Variants in INO80D observed in about 807,000 individuals in gnomAD.
The protein encoded by INO80D is INO80 complex subunit D.
In INO80D, 21 loss-of-function variants were observed where a neutral mutation model predicts 87.6. The observed-to-expected ratio is 0.24, with a 90% confidence interval of 0.17 to 0.35. The LOEUF (loss-of-function observed/expected upper bound fraction) is 0.35. Among genes scored for constraint, INO80D ranks in the 10% least tolerant of loss-of-function variants. The pLI, the probability that INO80D is intolerant of heterozygous loss-of-function variation, is 1.00. For synonymous variants in INO80D, 440 were observed against 491.0 expected (o/e 0.90, Z 1.37); for missense variants, 982 against 1,280.7 (o/e 0.77, Z 3.56).
chr2:206,043,651 C>A (rs188935545), intron 5 of INO80D, among the ~76,000 whole-genome samples: 2 of 151,926 alleles, frequency 1.3e-5, no homozygotes, highest in Admixed American at 1.3e-4. Flanking sequence ...CCAGGCCCAG[C>A]TAATTTTTTC....
intron 6 of INO80D, among the ~76,000 whole-genome samples, chr2:206,022,055 A>G (rs540220270): frequency 3.3e-5 from 5 of 152,202 alleles, no homozygotes; most frequent in African/African-American, 1.2e-4. Context: ...CCTTGTTTCA[A>G]TAACCCCATG....
chr2:206,067,656 G>A (rs1380692191), intron 1 of INO80D, among the ~76,000 whole-genome samples: 2 of 152,130 alleles, frequency 1.3e-5, no homozygotes, highest in Non-Finnish European at 2.9e-5. Flanking sequence ...TGCCCTGGAT[G>A]TTTGGGACAG....
intron 8 of INO80D, among the ~76,000 whole-genome samples, chr2:206,012,073 G>A (rs1167630179): frequency 2.0e-5 from 3 of 152,220 alleles, no homozygotes; most frequent in African/African-American, 4.8e-5. Context: ...GCAGTGGCAG[G>A]AGGATGTGAT....
chr2:206,046,332 T>C (rs1689191326), intron 5 of INO80D, among the ~76,000 whole-genome samples, 172 bp downstream of exon 5: 1 of 151,570 alleles, frequency 6.6e-6, no homozygotes, highest in African/African-American at 2.4e-5. Flanking sequence ...AGATCAGGAG[T>C]TCAAAACCAG....
intron 4 of INO80D, among the ~76,000 whole-genome samples, chr2:206,053,731 CCT>C (rs1475972876): frequency 4.6e-5 from 7 of 152,080 alleles, no homozygotes; most frequent in South Asian, 2.1e-4. Context: ...ATTGATATCC[CCT>C]GTTTATTTAC....
At chr2:206,011,092 A>C (rs1353990525) in intron 8 of INO80D, among the ~76,000 whole-genome samples, 4 of 152,020 alleles carry the variant, frequency 2.6e-5, no homozygotes, top group African/African-American at 9.7e-5. Context: ...AAAAAAAAAA[A>C]AAAAGGCTAC....
chr2:206,054,784 G>C (rs145791394), intron 4 of INO80D, among the ~76,000 whole-genome samples: 2,704 of 152,242 alleles, frequency 0.018, 87 homozygotes, highest in African/African-American at 0.061. Context: ...AAAGTGCTGG[G>C]ATTACAGGCG....
At chr2:206,029,188 T>A (rs1042578207) in intron 5 of INO80D, among the ~76,000 whole-genome samples, 3 of 152,148 alleles carry the variant, frequency 2.0e-5, no homozygotes, top group African/African-American at 7.2e-5. Flanking sequence ...GAGCCCGGCC[T>A]TCTACCATGT....
chr2:206,006,619 G>A (rs1688032096), intron 10 of INO80D, among the ~76,000 whole-genome samples: 2 of 149,156 alleles, frequency 1.3e-5, no homozygotes, highest in Admixed American at 1.3e-4. Flanking sequence ...GGAGGCAGAG[G>A]TTGCAATGAG....
At chr2:206,022,019 A>C (rs1688477857) in intron 6 of INO80D, among the ~76,000 whole-genome samples, 1 of 152,172 alleles carries the variant, frequency 6.6e-6, no homozygotes, top group Non-Finnish European at 1.5e-5. Context: ...TTACAAAATA[A>C]CTATTGGTTT....
chr2:206,022,076 G>A (rs1186878641), intron 6 of INO80D, among the ~76,000 whole-genome samples: 2 of 151,706 alleles, frequency 1.3e-5, no homozygotes, highest in Admixed American at 6.6e-5. Context: ...GACAAATTAA[G>A]GTAAAAATGG....
At chr2:206,069,284 C>T (rs1187291186) in intron 1 of INO80D, among the ~76,000 whole-genome samples, 1 of 151,990 alleles carries the variant, frequency 6.6e-6, no homozygotes, top group Non-Finnish European at 1.5e-5. Context: ...CCACTTAATA[C>T]TAAATATATT....
intron 1 of INO80D, among the ~76,000 whole-genome samples, chr2:206,066,682 G>A (rs531525245): frequency 2.6e-5 from 4 of 151,870 alleles, no homozygotes; most frequent in South Asian, 2.1e-4. Context: ...GCACACACCT[G>A]TAATCCCAGC....
chr2:206,061,321 T>C (rs1689685045), intron 3 of INO80D, among the ~76,000 whole-genome samples: 1 of 152,210 alleles, frequency 6.6e-6, no homozygotes, highest in African/African-American at 2.4e-5. Flanking sequence ...CTTGCTGCTA[T>C]TAAGATAATT....
chr2:206,058,449 A>G (rs1265104001), intron 3 of INO80D, among the ~76,000 whole-genome samples: 4 of 141,776 alleles, frequency 2.8e-5, no homozygotes, highest in Non-Finnish European at 6.2e-5. Context: ...AAAACCTATA[A>G]AAGGGCCGGG....
intron 4 of INO80D, among the ~76,000 whole-genome samples, chr2:206,047,689 TAG>T (rs1559451770): frequency 2.0e-5 from 3 of 150,644 alleles, no homozygotes; most frequent in African/African-American, 2.4e-5. Context: ...AAAGTGCAGA[TAG>T]AGTCACTCTA....
intron 4 of INO80D, among the ~76,000 whole-genome samples, chr2:206,055,397 G>T (rs1317731034): frequency 6.6e-6 from 1 of 152,154 alleles, no homozygotes; most frequent in East Asian, 1.9e-4. Flanking sequence ...TAAATTACAA[G>T]TTTTCCCTGT....
intron 4 of INO80D, among the ~76,000 whole-genome samples, chr2:206,050,441 G>A (rs969608369): frequency 2.8e-5 from 4 of 144,528 alleles, no homozygotes; most frequent in Admixed American, 7.0e-5. Context: ...GCAGTGAGCC[G>A]AGACCTCGCC....
chr2:206,064,586 T>A (rs1484658822), intron 1 of INO80D, among the ~76,000 whole-genome samples: 1 of 152,234 alleles, frequency 6.6e-6, no homozygotes, highest in Non-Finnish European at 1.5e-5. Context: ...AGTTTTCTCA[T>A]CTGTAAAACA....
Sources: allele counts gnomAD v4.1 joint callset (sites outside exome capture counted in the v4.1 genomes callset), GRCh38; gene constraint gnomAD v4.1.1; transcripts MANE v1.5; gene names NCBI Gene and HGNC (gene_info 2026-07-23, HGNC 2026-07-21).